The following PPARGC1A variants were observed in gnomAD, a reference collection of about 807,000 sequenced individuals.
The protein encoded by PPARGC1A is PPARG coactivator 1 alpha.
PPARGC1A carries 25 observed loss-of-function variants against 88.7 expected under a neutral mutation model. That is an observed-to-expected ratio of 0.28 (90% CI 0.21 to 0.39). The LOEUF (loss-of-function observed/expected upper bound fraction) is 0.39, where lower values mean the gene tolerates loss of function less well. Ranked by LOEUF, PPARGC1A falls within the 10% of genes least tolerant of loss-of-function variation. The probability of loss-of-function intolerance (pLI) is 1.00; values close to 1 mark genes in which losing one functional copy is unlikely to be tolerated. For synonymous variants in PPARGC1A, 363 were observed against 355.6 expected, an observed-to-expected ratio of 1.02 and a Z score of -0.24; for missense variants, 880 against 968.7, an observed-to-expected ratio of 0.91 and a Z score of 1.22.
chr4:24,213,934 C>A, the PPARGC1A span, among the ~76,000 whole-genome samples: 1 of 152,182 alleles, frequency 6.6e-6, no homozygotes, highest in African/African-American at 2.4e-5. Flanking sequence ...TTGCTTCATG[C>A]AGGCTTAATA....
At chr4:24,390,171 C>A in the PPARGC1A span, among the ~76,000 whole-genome samples, 27,081 of 151,840 alleles carry the variant, frequency 0.18, 2,624 homozygotes, top group Middle Eastern at 0.32. Flanking sequence ...TATGATTATT[C>A]CCCAGACAAG....
At chr4:24,342,259 A>T in the PPARGC1A span, among the ~76,000 whole-genome samples, 1 of 152,180 alleles carries the variant, frequency 6.6e-6, no homozygotes, top group Admixed American at 6.5e-5. Context: ...CACTTTGCAT[A>T]CATTGGCTAA....
At chr4:24,189,396 A>G in the PPARGC1A span, among the ~76,000 whole-genome samples, 14 of 152,106 alleles carry the variant, frequency 9.2e-5, no homozygotes, top group African/African-American at 3.1e-4. Context: ...TGAATTCTCC[A>G]TTCACTCTGC....
At chr4:24,052,718 C>T in the PPARGC1A span, among the ~76,000 whole-genome samples, 75,261 of 151,348 alleles carry the variant, frequency 0.5, 19,394 homozygotes, top group Non-Finnish European at 0.57. Flanking sequence ...TCCTATGTGG[C>T]CAAGCACACT....
At chr4:24,455,481 G>C in the PPARGC1A span, among the ~76,000 whole-genome samples, 1 of 152,108 alleles carries the variant, frequency 6.6e-6, no homozygotes, top group Non-Finnish European at 1.5e-5. Context: ...GCAAGTCTCT[G>C]AAAAAAATTA....
the PPARGC1A span, among the ~76,000 whole-genome samples, chr4:24,017,168 C>A: frequency 6.6e-6 from 1 of 152,132 alleles, no homozygotes; most frequent in Non-Finnish European, 1.5e-5. Context: ...ATCTTCTGAT[C>A]TTTTAAAAGA....
chr4:23,845,612 G>C (rs1728180571), intron 2 of PPARGC1A, among the ~76,000 whole-genome samples: 1 of 152,124 alleles, frequency 6.6e-6, no homozygotes, highest in African/African-American at 2.4e-5. Context: ...TTAATCCTCT[G>C]AGCCTTTCCA....
At chr4:23,886,856 TAAA>T (rs11332760) in intron 1 of PPARGC1A, among the ~76,000 whole-genome samples, 205 of 136,320 alleles carry the variant, frequency 1.5e-3, no homozygotes, top group Non-Finnish European at 1.6e-3. Context: ...GCATAGTCTT[TAAA>T]AAAAAAAAAA....
the PPARGC1A span, among the ~76,000 whole-genome samples, chr4:24,415,757 T>C: frequency 6.6e-6 from 1 of 152,244 alleles, no homozygotes; most frequent in Non-Finnish European, 1.5e-5. Context: ...TTTTGCTGTA[T>C]ACTGCAAATA....
the PPARGC1A span, among the ~76,000 whole-genome samples, chr4:23,995,035 T>C: frequency 1.3e-5 from 2 of 152,124 alleles, no homozygotes; most frequent in African/African-American, 4.8e-5. Flanking sequence ...ATATAACTTA[T>C]TGTGAGTCTA....
At chr4:23,912,974 T>C in the PPARGC1A span, among the ~76,000 whole-genome samples, 1 of 149,058 alleles carries the variant, frequency 6.7e-6, no homozygotes, top group South Asian at 2.1e-4. Flanking sequence ...TTTTTTTTAA[T>C]TTTTTTATTT....
upstream of PPARGC1A, among the ~76,000 whole-genome samples, chr4:23,892,620 G>A (rs867323228): frequency 8.4e-4 from 126 of 149,618 alleles, 2 homozygotes; most frequent in African/African-American, 3.0e-3. Context: ...CTGGTTCCCC[G>A]GGCCATTTCT....
chr4:24,213,614 A>G, the PPARGC1A span, among the ~76,000 whole-genome samples: 4 of 152,296 alleles, frequency 2.6e-5, no homozygotes, highest in South Asian at 2.1e-4. Flanking sequence ...AAGCTGGAAA[A>G]AAGTCCCTTC....
rs560224814 is a variant in PPARGC1A, at chr4:23,815,379, T to A, written c.878-774A>T. Among the ~76,000 whole-genome samples, 4 of 152,262 alleles carry A rather than the reference T, an allele frequency of 2.6e-5. No homozygotes were observed. In the South Asian group the frequency reaches 8.3e-4, roughly 32 times the overall value. ...AAAATATGGTTCTGCAACAGAAACC[T>A]AAGTGAACAGTAACACTAAATATCA... is the stretch of plus-strand genomic sequence containing the variant. On this transcript the variant is annotated intron_variant, in intron 7 of 12. Transcript: ENST00000264867.
At chr4:24,162,778 G>C in the PPARGC1A span, among the ~76,000 whole-genome samples, 13 of 151,836 alleles carry the variant, frequency 8.6e-5, no homozygotes, top group South Asian at 2.3e-3. Context: ...TTTTTTAGTA[G>C]AGACGGGGTT....
At chr4:23,920,490 T>C in the PPARGC1A span, among the ~76,000 whole-genome samples, 1 of 152,212 alleles carries the variant, frequency 6.6e-6, no homozygotes, top group African/African-American at 2.4e-5. Context: ...GAAAACTCTA[T>C]GTGGCCAGCA....
At chr4:24,240,706 T>C in the PPARGC1A span, among the ~76,000 whole-genome samples, 78 of 152,282 alleles carry the variant, frequency 5.1e-4, no homozygotes, top group Admixed American at 3.8e-3. Flanking sequence ...AATTTTGCCT[T>C]GACAGTAGTT....
At chr4:24,192,274 C>T in the PPARGC1A span, among the ~76,000 whole-genome samples, 2 of 152,170 alleles carry the variant, frequency 1.3e-5, no homozygotes, top group African/African-American at 4.8e-5. Context: ...CATTTGCTCA[C>T]TGGTAACAGG....
the PPARGC1A span, among the ~76,000 whole-genome samples, chr4:24,274,420 T>C: frequency 6.6e-6 from 1 of 152,188 alleles, no homozygotes; most frequent in Non-Finnish European, 1.5e-5. Flanking sequence ...ATGATGATTC[T>C]AGGCTCTGTG....
Sources: allele counts gnomAD v4.1 joint callset (sites outside exome capture counted in the v4.1 genomes callset), GRCh38; gene constraint gnomAD v4.1.1; transcripts MANE v1.5; gene names NCBI Gene and HGNC (gene_info 2026-07-23, HGNC 2026-07-21).